The following PDE4B variants were observed in gnomAD, a reference collection of about 807,000 sequenced individuals.
The protein encoded by PDE4B is 3',5'-cyclic-AMP phosphodiesterase 4B.
PDE4B carries 20 observed loss-of-function variants against 82.2 expected under a neutral mutation model. The ratio of observed to expected loss-of-function variants is 0.24; its 90% CI spans 0.17 to 0.35. The LOEUF (loss-of-function observed/expected upper bound fraction) is 0.35, where lower values mean the gene tolerates loss of function less well. Ranked by LOEUF, PDE4B falls within the 10% of genes least tolerant of loss-of-function variation. The pLI, the probability that PDE4B is intolerant of heterozygous loss-of-function variation, is 1.00. For missense variants in PDE4B, 655 were observed against 907.2 expected (o/e 0.72, Z 3.57); for synonymous variants, 320 against 318.9 (o/e 1.00, Z -0.04).
intron 8 of PDE4B, among the ~76,000 whole-genome samples, chr1:66,341,537 C>T (rs1461705608): frequency 2.0e-5 from 3 of 151,898 alleles, no homozygotes; most frequent in African/African-American, 7.3e-5. Flanking sequence ...CTTTAAATGC[C>T]CCTGGTTTTA....
chr1:66,202,468 T>A (rs1337318141), intron 3 of PDE4B, among the ~76,000 whole-genome samples: 1 of 152,178 alleles, frequency 6.6e-6, no homozygotes, highest in East Asian at 1.9e-4. Flanking sequence ...TCCATTATTA[T>A]TTTGTGGGAG....
intron 3 of PDE4B, among the ~76,000 whole-genome samples, chr1:66,068,059 G>C (rs557048374): frequency 6.6e-6 from 1 of 150,648 alleles, no homozygotes; most frequent in South Asian, 2.1e-4. Context: ...AAACCTGCAC[G>C]TTGTGCACAT....
At chr1:66,355,767 CA>C in intron 9 of PDE4B, 147 bp downstream of exon 9, 1 of 440,088 alleles carries the variant, frequency 2.3e-6, no homozygotes. Flanking sequence ...GGCCAGTCTT[CA>C]AAAGAAAAAA....
chr1:65,895,288 A>C (rs1646896525), intron 1 of PDE4B, among the ~76,000 whole-genome samples: 1 of 152,052 alleles, frequency 6.6e-6, no homozygotes, highest in African/African-American at 2.4e-5. Flanking sequence ...GGTGGCTCAC[A>C]CCTGTAATAC....
chr1:66,302,476 G>A (rs1454153903), intron 7 of PDE4B, among the ~76,000 whole-genome samples: 1 of 152,144 alleles, frequency 6.6e-6, no homozygotes, highest in East Asian at 1.9e-4. Context: ...ATCTGGATGG[G>A]CAATTGAGGT....
intron 3 of PDE4B, among the ~76,000 whole-genome samples, chr1:66,123,654 C>T (rs113297360): frequency 3.6e-4 from 55 of 152,130 alleles, no homozygotes; most frequent in African/African-American, 1.3e-3. Flanking sequence ...AAATAATCAT[C>T]ACAGACACTT....
At chr1:65,831,675 GCC>G (rs1174082252) in intron 1 of PDE4B, among the ~76,000 whole-genome samples, 26 of 16,904 alleles carry the variant, frequency 1.5e-3, no homozygotes, top group African/African-American at 3.0e-3. Context: ...ATTTTATGAA[GCC>G]AGCATTTTAT....
At chr1:66,302,409 C>A (rs1265382345) in intron 7 of PDE4B, among the ~76,000 whole-genome samples, 1 of 152,116 alleles carries the variant, frequency 6.6e-6, no homozygotes, top group Admixed American at 6.6e-5. Context: ...GCTTTGATCA[C>A]CTGATTGATT....
chr1:66,303,953 G>A (rs568266277), intron 7 of PDE4B, among the ~76,000 whole-genome samples: 64 of 152,210 alleles, frequency 4.2e-4, no homozygotes, highest in Non-Finnish European at 5.4e-4. Flanking sequence ...TGTCAGGTTA[G>A]AAGACACCAT....
At chr1:66,190,883 C>T (rs567810280) in intron 3 of PDE4B, among the ~76,000 whole-genome samples, 6 of 152,004 alleles carry the variant, frequency 3.9e-5, no homozygotes, top group African/African-American at 1.2e-4. Context: ...AAGATGAACC[C>T]GGTACCTCAG....
intron 1 of PDE4B, among the ~76,000 whole-genome samples, chr1:65,848,463 A>C (rs1032282152): frequency 3.7e-4 from 2 of 5,426 alleles, no homozygotes; most frequent in African/African-American, 4.2e-4. Flanking sequence ...AAATTTTGAC[A>C]TATATGTCTG....
chr1:66,011,168 T>G (rs1482484560), intron 3 of PDE4B, among the ~76,000 whole-genome samples: 1 of 150,526 alleles, frequency 6.6e-6, no homozygotes, highest in African/African-American at 2.4e-5. Flanking sequence ...ATTCACTTGT[T>G]GACAAGCATT....
chr1:66,046,244 A>T (rs548697247), intron 3 of PDE4B: 2 of 151,806 alleles, frequency 1.3e-5, no homozygotes, highest in African/African-American at 4.8e-5. Flanking sequence ...GCAGGAACAG[A>T]TGCAGATTTT....
intron 8 of PDE4B, among the ~76,000 whole-genome samples, chr1:66,346,473 A>T (rs1661403678): frequency 6.6e-6 from 1 of 152,174 alleles, no homozygotes; most frequent in Admixed American, 6.5e-5. Flanking sequence ...TAAGCATAAG[A>T]CCATTTTGAG....
At chr1:65,875,675 A>G (rs1557791671) in intron 1 of PDE4B, among the ~76,000 whole-genome samples, 1 of 150,686 alleles carries the variant, frequency 6.6e-6, no homozygotes. Flanking sequence ...ATTGGAAATC[A>G]TCATTCTCAG....
At chr1:65,947,304 G>A (rs941339866) in intron 3 of PDE4B, among the ~76,000 whole-genome samples, 1 of 151,986 alleles carries the variant, frequency 6.6e-6, no homozygotes, top group Admixed American at 6.6e-5. Flanking sequence ...GTTCAGTGGC[G>A]ACATACTTTT....
intron 3 of PDE4B, among the ~76,000 whole-genome samples, chr1:66,035,657 A>T (rs1460536594): frequency 3.3e-5 from 5 of 152,250 alleles, no homozygotes; most frequent in Admixed American, 1.3e-4. Flanking sequence ...AAATGACAGA[A>T]TTTCCTGTTT....
chr1:65,990,681 A>G (rs1557480857), intron 3 of PDE4B, among the ~76,000 whole-genome samples: 1 of 152,154 alleles, frequency 6.6e-6, no homozygotes, highest in African/African-American at 2.4e-5. Context: ...TTGTAATTGA[A>G]TTAAAGATCA....
At chr1:66,035,712 A>G (rs954017121) in intron 3 of PDE4B, among the ~76,000 whole-genome samples, 2 of 152,102 alleles carry the variant, frequency 1.3e-5, no homozygotes, top group Non-Finnish European at 2.9e-5. Flanking sequence ...ATATATATGT[A>G]TATGTATATA....
Sources: allele counts gnomAD v4.1 joint callset (sites outside exome capture counted in the v4.1 genomes callset), GRCh38; gene constraint gnomAD v4.1.1; transcripts MANE v1.5; gene names NCBI Gene and HGNC (gene_info 2026-07-23, HGNC 2026-07-21).